The following CPXM2 variants were observed in gnomAD, a reference collection of about 807,000 sequenced individuals.
CPXM2 encodes carboxypeptidase X, M14 family member 2.
A neutral mutation model predicts 86.1 loss-of-function variants in CPXM2; 66 were observed. The observed-to-expected ratio is 0.77, with a 90% CI of 0.63 to 0.94. CPXM2 has a LOEUF of 0.94. Ranked by LOEUF, CPXM2 falls within the 40% of genes least tolerant of loss-of-function variation. The pLI, the probability that CPXM2 is intolerant of heterozygous loss-of-function variation, is 0.00. For missense variants in CPXM2, 948 were observed against 1,026.3 expected (o/e 0.92, Z 1.04); for synonymous variants, 388 against 400.2 (o/e 0.97, Z 0.36).
chr10:123,898,306 A>C lies in CPXM2; in HGVS notation n.175-17997T>G, dbSNP rs116950305. Among the ~76,000 whole-genome samples the C allele has an allele frequency of 1.0e-3, 158 of 152,270 alleles. 3 individuals carry two copies. In the South Asian group the frequency reaches 0.025, roughly 25 times the overall value. On this transcript the variant is annotated intron_variant and non_coding_transcript_variant, in intron 2 of 19. Coordinates refer to the CPXM2 transcript ENST00000368854. The stretch of plus-strand genomic sequence containing the variant: ...AACAATCTTTATTAAAAAAAATTCT[A>C]AGCCAGGCGCAATGGCACACACCTG...
chr10:123,847,395 ACAGGCCTGT>A, intron 3 of CPXM2, among the ~76,000 whole-genome samples: 1 of 152,200 alleles, frequency 6.6e-6, no homozygotes, highest in East Asian at 1.9e-4. Context: ...GTGTGGTGGT[ACAGGCCTGT>A]AATCTCAGCC....
intron 13 of CPXM2, among the ~76,000 whole-genome samples, chr10:123,749,383 A>G (rs984191765): frequency 3.3e-5 from 5 of 152,154 alleles, no homozygotes; most frequent in African/African-American, 7.2e-5. Flanking sequence ...GCTCAAGTTC[A>G]TATTTCTAAT....
At chr10:123,827,409 T>C (rs1848070575) in intron 4 of CPXM2, among the ~76,000 whole-genome samples, 1 of 152,202 alleles carries the variant, frequency 6.6e-6, no homozygotes, top group Non-Finnish European at 1.5e-5. Flanking sequence ...TGAATAGTGA[T>C]GCAAAAATCA....
chr10:123,939,879 C>T (rs1323227611), intron 1 of CPXM2, among the ~76,000 whole-genome samples: 1 of 152,174 alleles, frequency 6.6e-6, no homozygotes, highest in East Asian at 1.9e-4. Flanking sequence ...GGCTGGCTCT[C>T]CAGGAGAAGG....
chr10:123,768,809 T>C (rs1298647712), intron 8 of CPXM2, 87 bp from the exon 9 acceptor site: 2 of 1,179,976 alleles, frequency 1.7e-6, no homozygotes, highest in Non-Finnish European at 2.4e-6. Flanking sequence ...GGGGGGAAAG[T>C]CTTGAATAAT....
chr10:123,818,544 T>C (rs576265489), intron 4 of CPXM2, among the ~76,000 whole-genome samples: 22 of 152,342 alleles, frequency 1.4e-4, no homozygotes, highest in African/African-American at 5.3e-4. Flanking sequence ...CTGCACGCAA[T>C]GCTTCTGCCA....
intron 4 of CPXM2, among the ~76,000 whole-genome samples, chr10:123,830,379 C>T (rs1051453681): frequency 7.9e-5 from 12 of 152,152 alleles, no homozygotes; most frequent in East Asian, 1.9e-4. Context: ...TCCCCAAATC[C>T]GTGCAAGCAG....
intron 6 of CPXM2, among the ~76,000 whole-genome samples, chr10:123,790,097 G>A (rs1468731919): frequency 2.0e-5 from 3 of 152,012 alleles, no homozygotes; most frequent in Admixed American, 6.6e-5. Flanking sequence ...CAACCTGGGT[G>A]GACAGAGCAA....
intron 6 of CPXM2, 89 bp downstream of exon 6, chr10:123,797,887 C>T: frequency 1.5e-6 from 2 of 1,313,994 alleles, no homozygotes; most frequent in Non-Finnish European, 2.0e-6. Context: ...TGTGCCTGGT[C>T]TGCTTAGTTT....
intron 7 of CPXM2, among the ~76,000 whole-genome samples, chr10:123,779,528 A>G (rs750990947): frequency 1.8e-4 from 27 of 152,358 alleles, no homozygotes; most frequent in South Asian, 4.1e-4. Context: ...AAGAGGATTT[A>G]AAAATCTGGA....
At chr10:123,761,323 G>T (rs140669643) in intron 11 of CPXM2, among the ~76,000 whole-genome samples, 2,625 of 152,314 alleles carry the variant, frequency 0.017, 38 homozygotes, top group Non-Finnish European at 0.027. Context: ...GGTTCAGTCT[G>T]CAGCTCAGAG....
At chr10:123,921,948 T>C (rs1397739063) in intron 2 of CPXM2, among the ~76,000 whole-genome samples, 1 of 152,208 alleles carries the variant, frequency 6.6e-6, no homozygotes, top group East Asian at 1.9e-4. Context: ...TTCTTTTGCT[T>C]AGCTCTTCTC....
At chr10:123,789,914 C>T (rs1001121443) in intron 6 of CPXM2, among the ~76,000 whole-genome samples, 2 of 151,950 alleles carry the variant, frequency 1.3e-5, no homozygotes, top group African/African-American at 2.4e-5. Flanking sequence ...GTCAGGAGAT[C>T]GAGACCATCC....
At chr10:123,850,525 C>A (rs1161371969) in intron 3 of CPXM2, among the ~76,000 whole-genome samples, 2 of 151,020 alleles carry the variant, frequency 1.3e-5, no homozygotes, top group Non-Finnish European at 3.0e-5. Context: ...TCTGGCGATC[C>A]ACACTGTCTA....
chr10:123,823,376 G>A (rs1202451520), intron 4 of CPXM2, among the ~76,000 whole-genome samples: 1 of 152,188 alleles, frequency 6.6e-6, no homozygotes, highest in Non-Finnish European at 1.5e-5. Context: ...TTGCTAATAT[G>A]TATGGATATA....
rs546121245 is a variant in CPXM2 at position 123,774,558 on chromosome 10, G to A, written c.979-3519C>T. Among the ~76,000 whole-genome samples the A allele has an allele frequency of 4.1e-4, 62 of 152,246 alleles. No individual in the cohort carries two copies. In the South Asian group the frequency reaches 7.9e-3, roughly 19 times the overall value. ...AGTGGTTTAATGAGCATCAAGGAGC[G>A]TTTCTAAAGGAGTGGGAAGATTTAC... is the stretch of plus-strand genomic sequence containing the variant. On this transcript the variant is annotated intron_variant, in intron 7 of 13. Transcript: ENST00000241305.
chr10:123,925,569 T>C (rs780662730), intron 2 of CPXM2, among the ~76,000 whole-genome samples: 2 of 152,350 alleles, frequency 1.3e-5, no homozygotes, highest in South Asian at 2.1e-4. Context: ...GGAAATCTTA[T>C]GTCTGTGCCA....
intron 7 of CPXM2, among the ~76,000 whole-genome samples, chr10:123,778,188 T>C (rs991393764): frequency 1.3e-5 from 2 of 152,264 alleles, no homozygotes; most frequent in African/African-American, 2.4e-5. Context: ...TCTTGCTTCC[T>C]GCTTCTGTTT....
chr10:123,842,292 C>T (rs2134154613), intron 4 of CPXM2, 57 bp downstream of exon 4: 1 of 1,607,436 alleles, frequency 6.2e-7, no homozygotes, highest in East Asian at 2.2e-5. Context: ...TCTGTCCAGA[C>T]CCTCAAAAGC....
Sources: allele counts gnomAD v4.1 joint callset (sites outside exome capture counted in the v4.1 genomes callset), GRCh38; gene constraint gnomAD v4.1.1; transcripts MANE v1.5; gene names NCBI Gene and HGNC (gene_info 2026-07-23, HGNC 2026-07-21).